TRAK2: variants seen among roughly 807,000 people sequenced by gnomAD.
The protein encoded by TRAK2 is trafficking kinesin protein 2.
TRAK2 carries 81 observed loss-of-function variants against 104.6 expected under a neutral mutation model. The ratio of observed to expected loss-of-function variants is 0.77; its 90% CI spans 0.65 to 0.93. TRAK2 has a LOEUF of 0.93. Among genes scored for constraint, TRAK2 ranks in the 40% least tolerant of loss-of-function variants. TRAK2 has a pLI of 0.00. For missense variants in TRAK2, 1,002 were observed against 1,089.0 expected, an observed-to-expected ratio of 0.92 and a Z score of 1.12; for synonymous variants, 406 against 394.4, an observed-to-expected ratio of 1.03 and a Z score of -0.35.
chr2:201,413,213 A>G, intron 2 of TRAK2: 3 of 1,471,040 alleles, frequency 2.0e-6, no homozygotes, highest in South Asian at 1.1e-5. Flanking sequence ...GACCAACATC[A>G]AATTCTCTAG....
At position 201,420,502 on chromosome 2, in the gene TRAK2, ACTC is replaced by A; in HGVS notation, c.3_5del (p.MetSer1_?2). ...ATGTAAAAATTGCATTCTGGGATTG[ACTC>A]ATGCAGGATCCTTTCTTGCTTTGGT... On this transcript the variant is annotated start_lost and inframe_deletion, in exon 2 of 16. Coordinates refer to ENST00000332624, the MANE Select transcript of TRAK2 (RefSeq NM_015049.3). The A allele has an allele frequency of 6.2e-7, 1 of 1,613,710 alleles. No homozygotes were observed. The highest frequency in any genetic ancestry group is 8.5e-7 in the Non-Finnish European group (1 of 1,179,710).
Position 201,389,291 on chromosome 2 carries a change from G to C in TRAK2, c.1397+9C>G, listed in dbSNP as rs887965460. The C allele has an allele frequency of 4.3e-6, 7 of 1,613,400 alleles. No individual in the cohort carries two copies. The highest frequency in any genetic ancestry group is 5.9e-6 in the Non-Finnish European group (7 of 1,179,370). ...AAATGCAGAATCACTGTTATCATCG[G>C]ATTCCTACCCTGCAACCTCCTCTGA... On this transcript the variant is annotated intron_variant, in intron 12 of 15. Transcript: ENST00000332624.
intron 10 of TRAK2, among the ~76,000 whole-genome samples, chr2:201,391,612 T>C (rs1365000997): frequency 6.6e-6 from 1 of 152,304 alleles, no homozygotes; most frequent in African/African-American, 2.4e-5. Flanking sequence ...ATTAGTAGTG[T>C]TAATTTAATT....
At chr2:201,389,644 CA>C in intron 11 of TRAK2, 141 bp from the exon 12 acceptor site, 1 of 1,090,174 alleles carries the variant, frequency 9.2e-7, no homozygotes, top group Non-Finnish European at 1.3e-6. Flanking sequence ...AGCTTTCAAA[CA>C]AGAGAACTCT....
chr2:201,448,606 T>C (rs1022490326), intron 1 of TRAK2, among the ~76,000 whole-genome samples: 3 of 152,198 alleles, frequency 2.0e-5, no homozygotes, highest in African/African-American at 7.2e-5. Context: ...TCAAAACTGG[T>C]ACAGATAATA....
chr2:201,425,106 C>G (rs766098897), intron 1 of TRAK2, among the ~76,000 whole-genome samples: 6 of 152,174 alleles, frequency 3.9e-5, no homozygotes, highest in Non-Finnish European at 7.3e-5. Context: ...AACAGCAGAG[C>G]TTAGTAATTT....
chr2:201,389,722 T>C (rs1339575878), intron 11 of TRAK2, 79 bp downstream of exon 11: 1 of 1,325,760 alleles, frequency 7.5e-7, no homozygotes, highest in African/African-American at 1.5e-5. Flanking sequence ...AATCTCGTAA[T>C]ACTTGCCACT....
At chr2:201,382,205 C>T (rs752123764) in intron 15 of TRAK2, among the ~76,000 whole-genome samples, 1 of 152,094 alleles carries the variant, frequency 6.6e-6, no homozygotes, top group East Asian at 1.9e-4. Flanking sequence ...GAAAAACTAA[C>T]GAATCATGTA....
chr2:201,381,531 T>C (rs1198137805), intron 15 of TRAK2, among the ~76,000 whole-genome samples: 2 of 152,196 alleles, frequency 1.3e-5, no homozygotes, highest in African/African-American at 4.8e-5. Flanking sequence ...AAAATGTACA[T>C]CTGTAGAAAT....
intron 10 of TRAK2, among the ~76,000 whole-genome samples, chr2:201,392,125 C>T (rs900124883): frequency 2.0e-5 from 3 of 151,802 alleles, no homozygotes; most frequent in Non-Finnish European, 4.4e-5. Flanking sequence ...GTTAAAATAG[C>T]CCAGGGGGAA....
intron 15 of TRAK2, among the ~76,000 whole-genome samples, chr2:201,383,313 C>T (rs1008621990): frequency 3.9e-5 from 6 of 152,116 alleles, no homozygotes; most frequent in African/African-American, 1.2e-4. Context: ...TAGGGTGAGC[C>T]AGGCCACACC....
intron 2 of TRAK2, among the ~76,000 whole-genome samples, chr2:201,415,237 G>A (rs74778342): frequency 0.038 from 5,765 of 152,168 alleles, 153 homozygotes; most frequent in Non-Finnish European, 0.058. Context: ...AACCTTATCA[G>A]CAAATAACTT....
chr2:201,442,385 T>A (rs1951932868), intron 1 of TRAK2, among the ~76,000 whole-genome samples: 1 of 114,108 alleles, frequency 8.8e-6, no homozygotes, highest in South Asian at 3.6e-4. Flanking sequence ...CAAGACTCCA[T>A]CTCAAAAAAA....
intron 1 of TRAK2, among the ~76,000 whole-genome samples, chr2:201,425,646 C>A (rs971892682): frequency 1.3e-5 from 2 of 152,076 alleles, no homozygotes; most frequent in Non-Finnish European, 2.9e-5. Flanking sequence ...GGTGATCCAC[C>A]CACCTCGACC....
At chr2:201,412,747 C>T in intron 2 of TRAK2, 1 of 1,355,660 alleles carries the variant, frequency 7.4e-7, no homozygotes, top group Non-Finnish European at 1.1e-6. Context: ...CCAGGCTCCA[C>T]TTTTATTCAA....
Position 201,388,047 on chromosome 2 carries a change from C to T in TRAK2, c.1398-46G>A, listed in dbSNP as rs1041848941. On this transcript the variant is annotated intron_variant, in intron 12 of 15. Transcript: ENST00000332624. The stretch of plus-strand genomic sequence containing the variant: ...CTGATTAGATCTTGAGGATCATCAG[C>T]ATGACCCAGACCTCTCCTTTCTATA... 3 of 1,582,488 alleles carry T rather than the reference C, an allele frequency of 1.9e-6. No individual in the cohort carries two copies. The African/African-American group carries it at 4.0e-5, about 21-fold the overall frequency.
At chr2:201,448,347 T>C (rs1559457648) in intron 1 of TRAK2, among the ~76,000 whole-genome samples, 1 of 152,260 alleles carries the variant, frequency 6.6e-6, no homozygotes, top group Non-Finnish European at 1.5e-5. Flanking sequence ...ATCTTCTCTT[T>C]GCTTTAGTTG....
At chr2:201,427,102 A>G (rs1951795347) in intron 1 of TRAK2, among the ~76,000 whole-genome samples, 1 of 152,204 alleles carries the variant, frequency 6.6e-6, no homozygotes, top group South Asian at 2.1e-4. Flanking sequence ...CCCAACATAC[A>G]GTAGACACTC....
chr2:201,406,468 C>T lies in TRAK2; in HGVS notation c.286+935G>A, dbSNP rs551500156. 1.1e-4 allele frequency among the ~76,000 whole-genome samples: 17 copies of T among 152,088 alleles called. No individual in the cohort carries two copies. In the East Asian group the frequency reaches 2.7e-3, roughly 24 times the overall value. ...TTGAGCAGTAATAAGTTCTAAGAAA[C>T]GACTAGAAAAAAATTCTAGGAAACT... On this transcript the variant is annotated intron_variant, in intron 3 of 15. Transcript: ENST00000332624.
Sources: gnomAD v4.1 joint callset for allele counts (sites outside exome capture counted in the v4.1 genomes callset) on GRCh38, gnomAD v4.1.1 for gene constraint, MANE v1.5 for transcripts, NCBI Gene and HGNC (gene_info 2026-07-23, HGNC 2026-07-21) for gene names.